KANSL1L: variants seen among roughly 807,000 people sequenced by gnomAD.
KANSL1L encodes KAT8 regulatory NSL complex subunit 1 like, also known as KAT8 regulatory NSL complex subunit 1-like protein.
KANSL1L carries 25 observed loss-of-function variants against 108.6 expected under a neutral mutation model. The ratio of observed to expected loss-of-function variants is 0.23; its 90% CI spans 0.17 to 0.32. The LOEUF (loss-of-function observed/expected upper bound fraction) is 0.32, where lower values mean the gene tolerates loss of function less well. Ranked by LOEUF, KANSL1L falls within the 10% of genes least tolerant of loss-of-function variation. The pLI, the probability that KANSL1L is intolerant of heterozygous loss-of-function variation, is 1.00. For synonymous variants in KANSL1L, 405 were observed against 395.1 expected (o/e 1.03, Z -0.30); for missense variants, 1,137 against 1,125.7 (o/e 1.01, Z -0.14).
At chr2:210,056,154 G>A (rs2094348013) in intron 6 of KANSL1L, among the ~76,000 whole-genome samples, 1 of 152,242 alleles carries the variant, frequency 6.6e-6, no homozygotes, top group Non-Finnish European at 1.5e-5. Flanking sequence ...CATTACTTCA[G>A]AGGGTGCAAG....
intron 4 of KANSL1L, among the ~76,000 whole-genome samples, chr2:210,103,028 T>G (rs1056573036): frequency 1.3e-5 from 2 of 152,204 alleles, no homozygotes; most frequent in African/African-American, 4.8e-5. Context: ...GTATGCTTAT[T>G]GAGGCACTAT....
chr2:210,049,496 C>G (rs1356435999), intron 6 of KANSL1L, among the ~76,000 whole-genome samples: 1 of 151,998 alleles, frequency 6.6e-6, no homozygotes, highest in Non-Finnish European at 1.5e-5. Context: ...TGAAAGGTCA[C>G]TCTGACCTTT....
At chr2:210,039,094 A>G (rs535825546) in intron 8 of KANSL1L, among the ~76,000 whole-genome samples, 81 of 151,992 alleles carry the variant, frequency 5.3e-4, no homozygotes, top group South Asian at 4.1e-3. Context: ...TTATAACTTC[A>G]TAGTCCTGCT....
chr2:210,162,840 CA>C (rs2095369304), intron 1 of KANSL1L, among the ~76,000 whole-genome samples: 1 of 152,042 alleles, frequency 6.6e-6, no homozygotes, highest in Non-Finnish European at 1.5e-5. Flanking sequence ...ATGAAGATAG[CA>C]AAGCCGATAT....
chr2:210,030,320 CTT>C (rs2093997645), intron 9 of KANSL1L, among the ~76,000 whole-genome samples: 1 of 151,864 alleles, frequency 6.6e-6, no homozygotes, highest in African/African-American at 2.4e-5. Flanking sequence ...TCTGAACACT[CTT>C]AATTTTTTGA....
intron 3 of KANSL1L, among the ~76,000 whole-genome samples, chr2:210,119,014 T>C (rs2094986574): frequency 6.6e-6 from 1 of 151,638 alleles, no homozygotes; most frequent in African/African-American, 2.4e-5. Flanking sequence ...TGAAACTCTG[T>C]CTCTACTAAA....
At chr2:210,157,691 GAAAAAAAAAAAAAAAAA>G (rs56676129) in intron 1 of KANSL1L, among the ~76,000 whole-genome samples, 1 of 47,168 alleles carries the variant, frequency 2.1e-5, no homozygotes, top group Admixed American at 2.7e-4. Context: ...CACTGTCACA[GAAAAAAAAAAAAAAAAA>G]AAAAAAAAAA....
At chr2:210,038,763 A>G (rs1392241904) in intron 8 of KANSL1L, among the ~76,000 whole-genome samples, 1 of 151,998 alleles carries the variant, frequency 6.6e-6, no homozygotes, top group Non-Finnish European at 1.5e-5. Context: ...ACTTAGTTAT[A>G]TAGAGCATGG....
rs546071488 is a variant in KANSL1L at position 210,066,067 on chromosome 2, G to C, written c.1755+9485C>G. The stretch of plus-strand genomic sequence containing the variant: ...CAGCCCCAATGAACCATGACTCCCA[G>C]TATTCTTGCCCTTGTATAGTCCCTC... On this transcript the variant is annotated intron_variant, in intron 6 of 14. Coordinates refer to ENST00000281772, the MANE Select transcript of KANSL1L (RefSeq NM_152519.4). Among the ~76,000 whole-genome samples the C allele has an allele frequency of 4.6e-5, 7 of 152,296 alleles. No homozygotes were observed. In the South Asian group the frequency reaches 1.4e-3, roughly 32 times the overall value.
intron 6 of KANSL1L, among the ~76,000 whole-genome samples, chr2:210,056,859 A>G (rs1363470790): frequency 6.6e-6 from 1 of 152,078 alleles, no homozygotes; most frequent in African/African-American, 2.4e-5. Context: ...TCTTTTCTTC[A>G]TTGCTGATTC....
At chr2:210,105,374 A>AAT (rs888148762) in intron 3 of KANSL1L, among the ~76,000 whole-genome samples, 3 of 145,446 alleles carry the variant, frequency 2.1e-5, no homozygotes, top group Non-Finnish European at 4.5e-5. Context: ...TTTGAAAAAA[A>AAT]ATATATATAT....
At position 210,075,705 on chromosome 2, in the gene KANSL1L, G is replaced by A. The variant is rs1051348140; in HGVS notation, c.1602C>T (p.Asn534=). 6.2e-7 allele frequency: 1 copy of A among 1,613,928 alleles called. No homozygotes were observed. The highest frequency in any genetic ancestry group is 1.7e-5 in the Admixed American group (1 of 59,984). ...TTCTCTTTTTCTTACTGTGCTTCTG[G>A]TTAAGTAACCAGCTACTGGAGGAAG... is the stretch of plus-strand genomic sequence containing the variant. ...ELSSSSSWLL[N]QKHSKKKRKD... The change falls in exon 6 of 15, where the codon AAC becomes AAT. Residue 534 remains asparagine (N), a synonymous_variant. Transcript: ENST00000281772.
At chr2:210,086,325 A>G (rs2094636839) in intron 5 of KANSL1L, among the ~76,000 whole-genome samples, 1 of 152,112 alleles carries the variant, frequency 6.6e-6, no homozygotes, top group Non-Finnish European at 1.5e-5. Flanking sequence ...ATAAACAAGG[A>G]TTAATTTATA....
At chr2:210,107,540 T>A (rs1165077772) in intron 3 of KANSL1L, among the ~76,000 whole-genome samples, 20 of 149,986 alleles carry the variant, frequency 1.3e-4, no homozygotes, top group African/African-American at 3.9e-4. Context: ...ATATATTTTT[T>A]TTTTTTGAGA....
intron 5 of KANSL1L, chr2:210,096,425 G>A (rs2125401664): frequency 2.3e-6 from 2 of 880,692 alleles, no homozygotes; most frequent in Middle Eastern, 5.8e-4. Flanking sequence ...TGACTATGTG[G>A]CATACAATAA....
intron 3 of KANSL1L, among the ~76,000 whole-genome samples, chr2:210,116,644 G>C (rs1008408659): frequency 6.6e-6 from 1 of 152,146 alleles, no homozygotes; most frequent in Non-Finnish European, 1.5e-5. Flanking sequence ...GACTACTGAG[G>C]TCATACCTCT....
chr2:210,037,371 A>T (rs2094117942), intron 8 of KANSL1L, among the ~76,000 whole-genome samples: 1 of 152,162 alleles, frequency 6.6e-6, no homozygotes. Flanking sequence ...TAAAATAATC[A>T]TCTTCATGGA....
At chr2:210,157,697 A>G (rs1394307773) in intron 1 of KANSL1L, among the ~76,000 whole-genome samples, 1 of 113,572 alleles carries the variant, frequency 8.8e-6, no homozygotes, top group African/African-American at 4.1e-5. Flanking sequence ...CACAGAAAAA[A>G]AAAAAAAAAA....
intron 6 of KANSL1L, among the ~76,000 whole-genome samples, chr2:210,046,489 T>C (rs2094224604): frequency 6.6e-6 from 1 of 152,036 alleles, no homozygotes; most frequent in Non-Finnish European, 1.5e-5. Flanking sequence ...AGGCATAGGA[T>C]AGATATTCCT....
Sources: gnomAD v4.1 joint callset for allele counts (sites outside exome capture counted in the v4.1 genomes callset) on GRCh38, gnomAD v4.1.1 for gene constraint, MANE v1.5 for transcripts, NCBI Gene and HGNC (gene_info 2026-07-23, HGNC 2026-07-21) for gene names.